Variants in B3GAT1 observed in about 807,000 individuals in gnomAD.
The protein encoded by B3GAT1 is beta-1,3-glucuronyltransferase 1, also known as galactosylgalactosylxylosylprotein 3-beta-glucuronosyltransferase 1.
Under a neutral mutation model 28.4 loss-of-function variants are expected in B3GAT1, and 11 were observed. That is an observed-to-expected ratio of 0.39 (90% CI 0.24 to 0.64). The LOEUF (loss-of-function observed/expected upper bound fraction) is 0.64. Ranked by LOEUF, B3GAT1 falls within the 30% of genes least tolerant of loss-of-function variation. B3GAT1 has a pLI of 0.50. For synonymous variants in B3GAT1, 255 were observed against 223.1 expected (o/e 1.14, Z -1.27); for missense variants, 375 against 491.0 (o/e 0.76, Z 2.23).
In B3GAT1 at chr11:134,384,175, G is replaced by A. The variant is rs764601885; in HGVS notation, c.126C>T (p.Asp42=). The change falls in exon 3 of 6, where the codon GAC becomes GAT. Residue 42 remains aspartate, a synonymous_variant. Transcript: ENST00000312527. The stretch of plus-strand genomic sequence containing the variant: ...CGCCGGGCGGCGTTTCGCGTCGGGG[G>A]TCACTGCCCTCATCTGCGGAGTCGG... ...LLAVHKDEGS[D]PRRETPPGAD... 1.2e-5 allele frequency: 18 copies of A among 1,543,852 alleles called. No homozygotes were observed. The highest frequency in any genetic ancestry group is 3.6e-4 in the Middle Eastern group (2 of 5,490).
At position 134,384,008 on chromosome 11, in the gene B3GAT1, T is replaced by G. The variant is rs1197223103; in HGVS notation, c.293A>C (p.Gln98Pro). 1 of 1,605,336 alleles carries G rather than the reference T, an allele frequency of 6.2e-7. No homozygotes were observed. Residue 98 changes from glutamine (Q) to proline (P), a missense_variant, in exon 3 of 6, where the codon CAG (glutamine) becomes CCG (proline). Coordinates refer to ENST00000312527, the MANE Select transcript of B3GAT1 (RefSeq NM_054025.3). ...GGCCATGCGCGTCAGCTCGGCCTTCTGCACCGGGCGGCTGTAGGTGGGCGT... is the reference window on the plus strand; with the variant it reads ...GGCCATGCGCGTCAGCTCGGCCTTCGGCACCGGGCGGCTGTAGGTGGGCGT... ...VVTPTYSRPV[Q>P]KAELTRMANT...
In B3GAT1 at chr11:134,387,527, AG is replaced by A; in HGVS notation, c.112+20del. 1 of 1,612,436 alleles carries A rather than the reference AG, an allele frequency of 6.2e-7. No homozygotes were observed. On this transcript the variant is annotated intron_variant, in intron 2 of 5. Coordinates refer to ENST00000312527, the MANE Select transcript of B3GAT1 (RefSeq NM_054025.3). ...ACTACCAAGGCCCAGCTGGGCAGGC[AG>A]GGCATGCGTGCGTGCTCACCCTTAT...
At chr11:134,408,273 T>C (rs369547678) in intron 1 of B3GAT1, among the ~76,000 whole-genome samples, 1,150 of 88,378 alleles carry the variant, frequency 0.013, 3 homozygotes, top group Non-Finnish European at 0.016. Flanking sequence ...CCTGCACCGA[T>C]TCCAGTGGGG....
At chr11:134,394,128 C>T (rs1302535830) in intron 1 of B3GAT1, among the ~76,000 whole-genome samples, 1 of 152,190 alleles carries the variant, frequency 6.6e-6, no homozygotes, top group Non-Finnish European at 1.5e-5. Context: ...ATATAGGAGC[C>T]ACTTTCCCAG....
intron 1 of B3GAT1, among the ~76,000 whole-genome samples, chr11:134,402,840 G>A (rs1944646717): frequency 6.6e-6 from 1 of 151,968 alleles, no homozygotes; most frequent in African/African-American, 2.4e-5. Flanking sequence ...TTGAGCCCGG[G>A]AGGTGGAGTT....
At chr11:134,382,102 T>G in intron 4 of B3GAT1, 78 bp from the exon 5 acceptor site, 2 of 1,151,074 alleles carry the variant, frequency 1.7e-6, no homozygotes, top group Non-Finnish European at 2.6e-6. Flanking sequence ...CCTCCCACAC[T>G]GTGTAAACAT....
Position 134,382,842 on chromosome 11 carries a change from C to T in B3GAT1, c.786G>A (p.Leu262=). ...AIDMAGFAVN[L]RLILQRSQAY... is the part of the protein sequence containing the mutation. The stretch of plus-strand genomic sequence containing the variant: ...CCTGGCTTCGCTGCAGAATGAGCCG[C>T]AGGTTGACGGCAAATCCAGCCATGT... Residue 262 remains leucine, a synonymous_variant, in exon 4 of 6, where the codon CTG becomes CTA. Transcript: ENST00000312527. The T allele has an allele frequency of 1.2e-6, 2 of 1,614,228 alleles. No individual in the cohort carries two copies. The highest frequency in any genetic ancestry group is 1.7e-6 in the Non-Finnish European group (2 of 1,180,042).
Position 134,383,947 on chromosome 11 carries a change from C to A in B3GAT1, c.354G>T (p.Leu118=). 6.3e-7 allele frequency: 1 copy of A among 1,598,818 alleles called. No individual in the cohort carries two copies. The change falls in exon 3 of 6, where the codon CTG becomes CTT. Residue 118 remains leucine, a synonymous_variant. Transcript: ENST00000312527. ...TCCGGCGCGGCGCATCCTCCACCACCAGCCAGTGGAGGTTGGGCACGTGCA... is the reference window on the plus strand; with the variant it reads ...TCCGGCGCGGCGCATCCTCCACCACAAGCCAGTGGAGGTTGGGCACGTGCA... The part of the protein sequence containing the change: ...TLLHVPNLHW[L]VVEDAPRRTP...
rs745396903 is a variant in B3GAT1 at position 134,381,951 on chromosome 11, G to C, written c.992C>G (p.Ser331Trp). ...NEGKKGFTDPSVEI is the reference protein window; with the variant it reads ...NEGKKGFTDPWVEI The stretch of plus-strand genomic sequence containing the variant: ...GCATCCTGAGGCTCAGATCTCCACC[G>C]AGGGGTCAGTGAAGCCCTTCTTGCC... Residue 331 changes from serine (S) to tryptophan (W), a missense_variant, in exon 5 of 6, where the codon TCG becomes TGG. Coordinates refer to ENST00000312527, the MANE Select transcript of B3GAT1 (RefSeq NM_054025.3). The C allele has an allele frequency of 6.2e-7, 1 of 1,613,994 alleles. No individual in the cohort carries two copies. Among genetic ancestry groups the C allele is most frequent in the South Asian group, 1.1e-5 (1 of 91,068 alleles).
rs549454741 is a variant in B3GAT1 at position 134,386,147 on chromosome 11, C to G, written c.112+1401G>C. On this transcript the variant is annotated intron_variant, in intron 2 of 5. Coordinates refer to ENST00000312527, the MANE Select transcript of B3GAT1 (RefSeq NM_054025.3). Reference sequence around the variant, plus strand: ...GTGCCAGCCACGGGCAGTGGGCTGCCGCAATGTTGAGCTTGGCCCTTCCTC... The same window carrying G: ...GTGCCAGCCACGGGCAGTGGGCTGCGGCAATGTTGAGCTTGGCCCTTCCTC... 3.4e-4 allele frequency: 52 copies of G among 152,344 alleles called. 1 individual carries two copies. The highest frequency in any genetic ancestry group is 1.1e-3 in the African/African-American group (45 of 41,564). The allele number at this position is 152,344 out of a possible 1,614,324, so 9.4% of individuals were successfully genotyped here. A position where few individuals can be genotyped will look rare whatever the true frequency, so the allele number is the denominator to read the frequency against.
chr11:134,406,435 C>A (rs185380024), intron 1 of B3GAT1, among the ~76,000 whole-genome samples: 261 of 151,680 alleles, frequency 1.7e-3, no homozygotes, highest in Non-Finnish European at 3.2e-3. Flanking sequence ...CTCATTCTAG[C>A]TCCCTGGGCT....
At position 134,387,822 on chromosome 11, in the gene B3GAT1, C is replaced by T; in HGVS notation, c.-163G>A. 2 of 1,533,640 alleles carry T rather than the reference C, an allele frequency of 1.3e-6. No homozygotes were observed. The highest frequency in any genetic ancestry group is 1.7e-6 in the Non-Finnish European group (2 of 1,145,210). The stretch of plus-strand genomic sequence containing the variant: ...AGCAGCTGAATGTTGGCTAGCAGGT[C>T]TTACCAGCACTCACAACCCACCCAT... On this transcript the variant is annotated 5_prime_UTR_variant, in exon 2 of 6. Transcript: ENST00000312527.
chr11:134,384,435 A>G, intron 2 of B3GAT1: 1 of 505,218 alleles, frequency 2.0e-6, no homozygotes, highest in Non-Finnish European at 3.4e-6. Flanking sequence ...GCAGCCCTCT[A>G]GCTATTTGAG....
At chr11:134,407,140 G>C (rs1168899218) in intron 1 of B3GAT1, among the ~76,000 whole-genome samples, 1 of 152,268 alleles carries the variant, frequency 6.6e-6, no homozygotes, top group Non-Finnish European at 1.5e-5. Context: ...TGCTCAGGGT[G>C]GGGACGGATG....
At chr11:134,403,649 T>C (rs1944664661) in intron 1 of B3GAT1, among the ~76,000 whole-genome samples, 1 of 152,188 alleles carries the variant, frequency 6.6e-6, no homozygotes, top group Non-Finnish European at 1.5e-5. Flanking sequence ...TTGCCATTTA[T>C]TGAGCTTTTG....
rs546048409 is a variant in B3GAT1, at chr11:134,388,578, G to A, written c.-281-638C>T. 11 of 153,928 alleles carry A rather than the reference G, an allele frequency of 7.1e-5. No individual in the cohort carries two copies. The East Asian group carries it at 7.7e-4, about 11-fold the overall frequency. The allele number at this position is 153,928 out of a possible 1,614,324, so 9.5% of individuals were successfully genotyped here. ...ATGATGAATCCCGCTGCCCAGGTAT[G>A]AGCATAGTACCCAACAGGGCGTTTT... On this transcript the variant is annotated intron_variant, in intron 1 of 5. Coordinates refer to ENST00000312527, the MANE Select transcript of B3GAT1 (RefSeq NM_054025.3).
intron 1 of B3GAT1, among the ~76,000 whole-genome samples, chr11:134,403,905 G>A (rs998068277): frequency 2.0e-5 from 3 of 148,070 alleles, no homozygotes; most frequent in Admixed American, 6.8e-5. Context: ...CATAGAGACA[G>A]AAACTAGGAT....
intron 1 of B3GAT1, among the ~76,000 whole-genome samples, chr11:134,397,429 G>T (rs1232601378): frequency 6.6e-6 from 1 of 151,998 alleles, no homozygotes; most frequent in Non-Finnish European, 1.5e-5. Context: ...TGCCCCGCCA[G>T]CTTCCGTCCC....
chr11:134,394,107 G>A (rs1362693174), intron 1 of B3GAT1, among the ~76,000 whole-genome samples: 2 of 152,152 alleles, frequency 1.3e-5, no homozygotes, highest in South Asian at 2.1e-4. Context: ...CACAGGCACT[G>A]ACCTCACACC....
Sources: gnomAD v4.1 joint callset for allele counts (sites outside exome capture counted in the v4.1 genomes callset) on GRCh38, gnomAD v4.1.1 for gene constraint, MANE v1.5 for transcripts, NCBI Gene and HGNC (gene_info 2026-07-23, HGNC 2026-07-21) for gene names.